The following DOCK1 variants were observed in gnomAD, a reference collection of about 807,000 sequenced individuals.
DOCK1 encodes dedicator of cytokinesis protein 1.
DOCK1 carries 138 observed loss-of-function variants against 262.7 expected under a neutral mutation model. The observed-to-expected ratio is 0.53, with a 90% confidence interval of 0.46 to 0.61. The LOEUF (loss-of-function observed/expected upper bound fraction) is 0.61. DOCK1 is among the 20% of genes least tolerant of loss of function. The pLI, the probability that DOCK1 is intolerant of heterozygous loss-of-function variation, is 0.00. For synonymous variants in DOCK1, 866 were observed against 867.4 expected (o/e 1.00, Z 0.03); for missense variants, 1,908 against 2,370.7 (o/e 0.80, Z 4.05).
intron 44 of DOCK1, among the ~76,000 whole-genome samples, chr10:127,415,455 A>G (rs1379809450): frequency 6.6e-6 from 1 of 152,226 alleles, no homozygotes; most frequent in Admixed American, 6.5e-5. Context: ...GACCAACTCT[A>G]GCTTATCAAA....
At chr10:127,421,052 G>T (rs1191445338) in intron 46 of DOCK1, among the ~76,000 whole-genome samples, 1 of 151,906 alleles carries the variant, frequency 6.6e-6, no homozygotes, top group African/African-American at 2.4e-5. Context: ...AAGTAGCTGG[G>T]ACTGCAAGTG....
intron 29 of DOCK1, among the ~76,000 whole-genome samples, chr10:127,302,256 C>T (rs2061706568): frequency 6.6e-6 from 1 of 152,118 alleles, no homozygotes; most frequent in African/African-American, 2.4e-5. Flanking sequence ...ACTCTAGCCA[C>T]CTGTTGGGGA....
chr10:127,333,369 G>T (rs2135684803), intron 29 of DOCK1, among the ~76,000 whole-genome samples: 1 of 152,158 alleles, frequency 6.6e-6, no homozygotes, highest in African/African-American at 2.4e-5. Context: ...CTGTTTTATT[G>T]GCAGCAAACA....
intron 1 of DOCK1, among the ~76,000 whole-genome samples, chr10:126,952,293 A>G (rs1033742951): frequency 6.6e-6 from 1 of 151,596 alleles, no homozygotes; most frequent in South Asian, 2.1e-4. Flanking sequence ...ATTGTAGGTG[A>G]TGGTGGTGGT....
Position 126,981,990 on chromosome 10 carries a change from T to C in DOCK1, c.227+17T>C. Reference sequence around the variant, plus strand: ...AGGAAAAGGGTGAGTCTGGTCTTGATGTTTAAATGAAGAATTGCAAGTACT... The same window carrying C: ...AGGAAAAGGGTGAGTCTGGTCTTGACGTTTAAATGAAGAATTGCAAGTACT... On this transcript the variant is annotated intron_variant, in intron 4 of 51. Transcript: ENST00000623213. The C allele has an allele frequency of 1.2e-6, 2 of 1,612,168 alleles. No homozygotes were observed. The highest frequency in any genetic ancestry group is 1.3e-5 in the African/African-American group (1 of 74,936).
intron 2 of DOCK1, 72 bp downstream of exon 2, chr10:126,970,857 C>T: frequency 6.6e-7 from 1 of 1,521,780 alleles, no homozygotes; most frequent in Non-Finnish European, 9.0e-7. Flanking sequence ...GCCTGCTGGG[C>T]AAAGCATTCC....
At chr10:127,227,322 G>C (rs2058680449) in intron 27 of DOCK1, among the ~76,000 whole-genome samples, 2 of 152,216 alleles carry the variant, frequency 1.3e-5, no homozygotes, top group Admixed American at 6.5e-5. Context: ...GTGGGGAGTA[G>C]GGAGATGGAG....
chr10:127,426,053 C>G (rs1210040754), intron 47 of DOCK1, 42 bp downstream of exon 47: 1 of 1,610,464 alleles, frequency 6.2e-7, no homozygotes. Flanking sequence ...GAGTGGGTGT[C>G]TGGGCATCCC....
intron 1 of DOCK1, among the ~76,000 whole-genome samples, chr10:126,970,345 G>A (rs2038007093): frequency 6.6e-6 from 1 of 151,988 alleles, no homozygotes; most frequent in Admixed American, 6.6e-5. Context: ...TATTAATTTG[G>A]TTTCCAAAGA....
intron 21 of DOCK1, among the ~76,000 whole-genome samples, chr10:127,049,905 A>C (rs2135714297): frequency 6.6e-6 from 1 of 152,062 alleles, no homozygotes; most frequent in South Asian, 2.1e-4. Context: ...GAACAGATTC[A>C]CAATAGACCT....
intron 27 of DOCK1, among the ~76,000 whole-genome samples, chr10:127,147,180 A>G (rs2051949267): frequency 6.6e-6 from 1 of 152,020 alleles, no homozygotes; most frequent in African/African-American, 2.4e-5. Context: ...CTTCTTTTGG[A>G]GCTTCCTACT....
At chr10:127,402,262 G>T (rs929229822) in intron 38 of DOCK1, among the ~76,000 whole-genome samples, 1 of 152,162 alleles carries the variant, frequency 6.6e-6, no homozygotes, top group Non-Finnish European at 1.5e-5. Context: ...CTTTGTGGGA[G>T]CACAGAGGAG....
intron 29 of DOCK1, among the ~76,000 whole-genome samples, chr10:127,328,861 G>C (rs1432675167): frequency 6.6e-6 from 1 of 151,956 alleles, no homozygotes; most frequent in Non-Finnish European, 1.5e-5. Context: ...GAAAAATTAT[G>C]AGTCCCATGC....
chr10:127,211,288 C>T (rs533963289), intron 27 of DOCK1, among the ~76,000 whole-genome samples: 35 of 152,328 alleles, frequency 2.3e-4, no homozygotes, highest in African/African-American at 8.2e-4. Context: ...TCTCAGTGTA[C>T]TCAGCAGACT....
intron 33 of DOCK1, among the ~76,000 whole-genome samples, chr10:127,363,247 C>T (rs1053830660): frequency 2.6e-5 from 4 of 152,152 alleles, no homozygotes; most frequent in Non-Finnish European, 5.9e-5. Flanking sequence ...TGGTTGCCCA[C>T]GCCTGTAATC....
intron 27 of DOCK1, among the ~76,000 whole-genome samples, chr10:127,146,683 C>T (rs2051889498): frequency 6.6e-6 from 1 of 152,294 alleles, no homozygotes; most frequent in Non-Finnish European, 1.5e-5. Context: ...ATTTCCCCCA[C>T]CTCAGTTCAT....
At chr10:126,919,724 G>A (rs1014273026) in intron 1 of DOCK1, among the ~76,000 whole-genome samples, 3 of 152,190 alleles carry the variant, frequency 2.0e-5, no homozygotes, top group East Asian at 1.9e-4. Flanking sequence ...GCAGTTCTGC[G>A]ACATGCTTCC....
chr10:127,385,809 G>A (rs938252910), intron 38 of DOCK1, among the ~76,000 whole-genome samples: 4 of 152,130 alleles, frequency 2.6e-5, no homozygotes, highest in African/African-American at 4.8e-5. Flanking sequence ...TAACCACATC[G>A]CTCCAAGCCC....
intron 29 of DOCK1, among the ~76,000 whole-genome samples, chr10:127,284,164 T>G (rs2061064303): frequency 1.3e-5 from 2 of 152,184 alleles, no homozygotes; most frequent in Admixed American, 6.5e-5. Context: ...GGTTTTAGTG[T>G]TTTTTCTTGA....
Sources: gnomAD v4.1 joint callset for allele counts (sites outside exome capture counted in the v4.1 genomes callset) on GRCh38, gnomAD v4.1.1 for gene constraint, MANE v1.5 for transcripts, NCBI Gene and HGNC (gene_info 2026-07-23, HGNC 2026-07-21) for gene names.